The following OOSP1 variants were observed in gnomAD, a reference collection of about 807,000 sequenced individuals.
OOSP1 encodes the protein putative oocyte-secreted protein 1 homolog.
OOSP1 carries 11 observed loss-of-function variants against 5.7 expected under a neutral mutation model. That is an observed-to-expected ratio of 1.94 (90% CI 1.22 to 3.20). The LOEUF (loss-of-function observed/expected upper bound fraction) is 3.20, where lower values mean the gene tolerates loss of function less well. Among genes scored for constraint, OOSP1 ranks in the 30% most tolerant of loss-of-function variants. The pLI is 0.00. For missense variants in OOSP1, 83 were observed against 54.1 expected (o/e 1.53, Z -1.67); for synonymous variants, 44 against 20.0 (o/e 2.20, Z -3.20).
chr11:59,950,196 G>A (rs1210863942), intron 4 of OOSP1, among the ~76,000 whole-genome samples: 1 of 152,186 alleles, frequency 6.6e-6, no homozygotes. Context: ...AGATGCTACT[G>A]TCTTGGATAA....
At chr11:59,950,278 AGAG>A (rs1853925396) in intron 4 of OOSP1, among the ~76,000 whole-genome samples, 2 of 152,174 alleles carry the variant, frequency 1.3e-5, no homozygotes, top group African/African-American at 2.4e-5. Flanking sequence ...TAGATCTCCA[AGAG>A]GAGAGAGCAA....
At chr11:59,954,910 C>CT (rs1301747382) in intron 4 of OOSP1, among the ~76,000 whole-genome samples, 3 of 150,950 alleles carry the variant, frequency 2.0e-5, no homozygotes. Flanking sequence ...TTTTCTTCTT[C>CT]TTTTTTTTAA....
chr11:59,953,783 AT>A (rs1853963111), intron 4 of OOSP1, among the ~76,000 whole-genome samples: 1 of 152,216 alleles, frequency 6.6e-6, no homozygotes, highest in Non-Finnish European at 1.5e-5. Flanking sequence ...GGAAATCGAC[AT>A]GTAATATAGA....
At chr11:59,939,774 A>C (rs1309857203) in intron 1 of OOSP1, among the ~76,000 whole-genome samples, 2 of 109,566 alleles carry the variant, frequency 1.8e-5, no homozygotes, top group Admixed American at 9.7e-5. Context: ...TCTCTTTCTC[A>C]TCTTTCTCTT....
chr11:59,939,711 C>CCACTTT (rs1215425679), intron 1 of OOSP1, among the ~76,000 whole-genome samples: 3 of 150,990 alleles, frequency 2.0e-5, no homozygotes, highest in Non-Finnish European at 4.4e-5. Context: ...CTCTTCCCTT[C>CCACTTT]CTCTTTCTCT....
At chr11:59,945,645 G>A (rs1474659863) in intron 3 of OOSP1, among the ~76,000 whole-genome samples, 1 of 151,204 alleles carries the variant, frequency 6.6e-6, no homozygotes, top group Non-Finnish European at 1.5e-5. Context: ...CAGCTACTTG[G>A]GAGCTTGAGG....
chr11:59,943,567 G>A (rs544791298), intron 2 of OOSP1, among the ~76,000 whole-genome samples: 1 of 152,302 alleles, frequency 6.6e-6, no homozygotes, highest in South Asian at 2.1e-4. Context: ...TGGAGCAGGC[G>A]GGAGAGTTGA....
At chr11:59,952,938 C>G (rs1853955130) in intron 4 of OOSP1, among the ~76,000 whole-genome samples, 1 of 152,162 alleles carries the variant, frequency 6.6e-6, no homozygotes, top group African/African-American at 2.4e-5. Context: ...AGTTGGCATT[C>G]TTAGGTAAGT....
chr11:59,956,203 T>C (rs75248256), intron 4 of OOSP1, among the ~76,000 whole-genome samples: 1,789 of 148,772 alleles, frequency 0.012, 31 homozygotes, highest in African/African-American at 0.043. Flanking sequence ...TCTTCTTCTT[T>C]TTTTTTTTAA....
intron 4 of OOSP1, among the ~76,000 whole-genome samples, chr11:59,955,982 G>GA (rs1853990482): frequency 6.6e-6 from 1 of 152,032 alleles, no homozygotes; most frequent in African/African-American, 2.4e-5. Flanking sequence ...TTATTGAATA[G>GA]AACAAAGTAC....
In OOSP1 at chr11:59,945,935, T is replaced by C. The variant is rs549841621; in HGVS notation, c.356+669T>C. On this transcript the variant is annotated intron_variant, in intron 3 of 4. Transcript: ENST00000646685. ...CAAAGCTGGAGCAGGCATACTCACG[T>C]GGCTGGAGCAGGAGGAAGTGGTCGG... is the stretch of plus-strand genomic sequence containing the variant. Among the ~76,000 whole-genome samples, 39 of 152,024 alleles carry C rather than the reference T, an allele frequency of 2.6e-4. No homozygotes were observed. The East Asian group carries it at 7.6e-3, about 30-fold the overall frequency.
intron 4 of OOSP1, among the ~76,000 whole-genome samples, chr11:59,949,676 T>C (rs910920080): frequency 6.6e-6 from 1 of 151,998 alleles, no homozygotes; most frequent in Non-Finnish European, 1.5e-5. Flanking sequence ...ATTGACACAC[T>C]TGGCTTTTGT....
rs543923490 is a variant in OOSP1 at position 59,949,890 on chromosome 11, G to C, written c.486+2028G>C. Among the ~76,000 whole-genome samples the C allele has an allele frequency of 4.6e-5, 7 of 152,256 alleles. No individual in the cohort carries two copies. The South Asian group carries it at 1.5e-3, about 32-fold the overall frequency. On this transcript the variant is annotated intron_variant, in intron 4 of 4. Transcript: ENST00000646685. ...GCTAGGGGCAATTTTACCCTCTGGG[G>C]GATGTATCTGGAAGCAGCTTTGTTC...
intron 3 of OOSP1, 70 bp from the exon 4 acceptor site, chr11:59,947,663 C>T (rs1419194703): frequency 5.0e-6 from 2 of 396,372 alleles, no homozygotes; most frequent in African/African-American, 2.1e-5. Flanking sequence ...CCAAGTTCAG[C>T]CTTGTAAATG....
intron 4 of OOSP1, among the ~76,000 whole-genome samples, chr11:59,953,906 TG>T (rs1853964546): frequency 6.6e-6 from 1 of 152,232 alleles, no homozygotes; most frequent in South Asian, 2.1e-4. Context: ...AGTCATGAGT[TG>T]CTTACTAATC....
chr11:59,955,824 A>T (rs765395974), intron 4 of OOSP1, among the ~76,000 whole-genome samples: 5 of 152,028 alleles, frequency 3.3e-5, no homozygotes, highest in Non-Finnish European at 5.9e-5. Context: ...GTAGAGGTAG[A>T]TTTATGCCAT....
chr11:59,946,098 C>A (rs1853880677), intron 3 of OOSP1, among the ~76,000 whole-genome samples: 1 of 152,128 alleles, frequency 6.6e-6, no homozygotes, highest in African/African-American at 2.4e-5. Context: ...CTGTCAGGAA[C>A]CTGGCAGCAC....
In OOSP1 at chr11:59,952,100, C is replaced by A. The variant is rs572212649; in HGVS notation, c.486+4238C>A. Among the ~76,000 whole-genome samples the A allele has an allele frequency of 6.6e-5, 10 of 152,154 alleles. No homozygotes were observed. In the East Asian group the frequency reaches 1.9e-3, roughly 29 times the overall value. On this transcript the variant is annotated intron_variant, in intron 4 of 4. Transcript: ENST00000646685. Reference sequence around the variant, plus strand: ...ATGGAGCACTAGATATCAAGACCTACTATAAAAGCATTTGGTTAAGGTGGT... The same window carrying A: ...ATGGAGCACTAGATATCAAGACCTAATATAAAAGCATTTGGTTAAGGTGGT...
chr11:59,943,934 G>C (rs1174183573), intron 2 of OOSP1, among the ~76,000 whole-genome samples: 1 of 152,174 alleles, frequency 6.6e-6, no homozygotes, highest in Admixed American at 6.5e-5. Context: ...AACTTGATCA[G>C]GTTTAGATAA....
Sources: allele counts gnomAD v4.1 joint callset (sites outside exome capture counted in the v4.1 genomes callset), GRCh38; gene constraint gnomAD v4.1.1; transcripts MANE v1.5; gene names NCBI Gene and HGNC (gene_info 2026-07-23, HGNC 2026-07-21).